Variants in ATL2 observed in about 807,000 individuals in gnomAD.
ATL2 encodes atlastin GTPase 2.
A neutral mutation model predicts 73.9 loss-of-function variants in ATL2; 31 were observed. That is an observed-to-expected ratio of 0.42 (90% confidence interval 0.32 to 0.57). The LOEUF is 0.57. Among genes scored for constraint, ATL2 ranks in the 20% least tolerant of loss-of-function variants. The pLI, the probability that ATL2 is intolerant of heterozygous loss-of-function variation, is 0.14. For synonymous variants in ATL2, 291 were observed against 237.5 expected (o/e 1.23, Z -2.07); for missense variants, 738 against 702.6 (o/e 1.05, Z -0.57).
chr2:38,295,700 A>G lies in ATL2; in HGVS notation c.*294T>C, dbSNP rs949779706. The G allele has an allele frequency of 3.5e-5, 7 of 197,296 alleles. No individual in the cohort carries two copies. The South Asian group carries it at 1.1e-3, about 31-fold the overall frequency. 12.2% of individuals were successfully genotyped at this position (197,296 alleles called of 1,614,324 possible). On this transcript the variant is annotated 3_prime_UTR_variant, in exon 13 of 13. Coordinates refer to ENST00000378954, the MANE Select transcript of ATL2 (RefSeq NM_001135673.4). ...ATATTTCCCTGAAATATCCTTTTACATAAGACAAATTCACTAACATTAGAT... is the reference window on the plus strand; with the variant it reads ...ATATTTCCCTGAAATATCCTTTTACGTAAGACAAATTCACTAACATTAGAT...
At position 38,300,331 on chromosome 2, in the gene ATL2, A is replaced by G. The variant is rs761108530; in HGVS notation, c.1072-3T>C. ...CCTTGATAGATTTTGATGTAAGCCT[A>G]AAAAGGGAGAAGATTTGTTAGACTG... On this transcript the variant is annotated splice_polypyrimidine_tract_variant and splice_region_variant and intron_variant, in intron 9 of 12. Transcript: ENST00000378954. 1.1e-5 allele frequency: 17 copies of G among 1,603,730 alleles called. No individual in the cohort carries two copies. The African/African-American group carries it at 2.3e-4, about 21-fold the overall frequency.
chr2:38,367,902 G>C (rs1461378930), intron 1 of ATL2, among the ~76,000 whole-genome samples: 1 of 150,378 alleles, frequency 6.6e-6, no homozygotes. Flanking sequence ...TAAAGTGCTG[G>C]GATTACAAAC....
chr2:38,318,473 G>GA (rs11312375), intron 4 of ATL2, 62 bp downstream of exon 4: 30,200 of 1,056,014 alleles, frequency 0.029, no homozygotes, highest in South Asian at 0.041. Flanking sequence ...TCTCAAAAAA[G>GA]AAAAAAAAAA....
At position 38,294,096 on chromosome 2, in the gene ATL2, C is replaced by CT. The variant is rs1391585114; in HGVS notation, c.*1897dup. On this transcript the variant is annotated 3_prime_UTR_variant, in exon 13 of 13. Coordinates refer to ENST00000378954, the MANE Select transcript of ATL2 (RefSeq NM_001135673.4). ...TAAAAAGACACTTTTCAGGTGGATT[C>CT]TTTAAGAACAGATAAGTTAGCAATT... is the stretch of plus-strand genomic sequence containing the variant. Among the ~76,000 whole-genome samples the CT allele has an allele frequency of 6.6e-6, 1 of 152,182 alleles. No individual in the cohort carries two copies. Among genetic ancestry groups the CT allele is most frequent in the East Asian group, 1.9e-4 (1 of 5,204 alleles).
chr2:38,330,431 A>G (rs1268722100), intron 2 of ATL2, among the ~76,000 whole-genome samples: 1 of 152,154 alleles, frequency 6.6e-6, no homozygotes, highest in African/African-American at 2.4e-5. Context: ...CACAGAAATA[A>G]AAGGTTCCCA....
At chr2:38,337,447 C>T (rs1669427674) in intron 2 of ATL2, among the ~76,000 whole-genome samples, 1 of 116,624 alleles carries the variant, frequency 8.6e-6, no homozygotes, top group African/African-American at 3.3e-5. Context: ...GATCACATCA[C>T]TGCACTCCAA....
At chr2:38,367,433 CT>C in intron 1 of ATL2, among the ~76,000 whole-genome samples, 1 of 150,890 alleles carries the variant, frequency 6.6e-6, no homozygotes, top group Non-Finnish European at 1.5e-5. Flanking sequence ...GAAACCCCGT[CT>C]CTATTAAAAA....
intron 1 of ATL2, among the ~76,000 whole-genome samples, chr2:38,369,703 C>G (rs932740142): frequency 2.0e-5 from 3 of 151,730 alleles, no homozygotes; most frequent in Non-Finnish European, 4.4e-5. Flanking sequence ...ATATTTGAGA[C>G]CCTATCTCAA....
chr2:38,349,509 T>A (rs537700565), intron 1 of ATL2, among the ~76,000 whole-genome samples: 126 of 106,370 alleles, frequency 1.2e-3, no homozygotes, highest in Admixed American at 2.6e-3. Flanking sequence ...AACATCACAC[T>A]CTGGGGACTG....
chr2:38,336,547 T>C (rs867052082), intron 2 of ATL2, among the ~76,000 whole-genome samples: 5 of 152,316 alleles, frequency 3.3e-5, no homozygotes, highest in Middle Eastern at 3.4e-3. Context: ...CCAAAGTAAA[T>C]ATTTATAAAA....
At chr2:38,300,817 GAAGA>G (rs957281150) in intron 9 of ATL2, among the ~76,000 whole-genome samples, 1 of 144,854 alleles carries the variant, frequency 6.9e-6, no homozygotes, top group Non-Finnish European at 1.5e-5. Context: ...ACATCCAGCT[GAAGA>G]AACAATTTTA....
chr2:38,376,246 C>A, intron 1 of ATL2: 1 of 1,443,530 alleles, frequency 6.9e-7, no homozygotes. Context: ...CGCTAAACTC[C>A]TATAAATAGG....
chr2:38,376,044 TAA>T (rs1202884390), intron 1 of ATL2: 4 of 1,376,778 alleles, frequency 2.9e-6, no homozygotes, highest in Non-Finnish European at 3.8e-6. Context: ...TTACACACCG[TAA>T]AAAAAGAAAT....
rs766677138 is a variant in ATL2 at position 38,294,222 on chromosome 2, T to C, written c.*1772A>G. 6.6e-6 allele frequency among the ~76,000 whole-genome samples: 1 copy of C among 152,192 alleles called. No individual in the cohort carries two copies. The highest frequency in any genetic ancestry group is 2.4e-5 in the African/African-American group (1 of 41,458). ...AAAGTAAATTCAGAGTTTTCACACA[T>C]GCAACTCAACACCTGCATTCTCTTC... On this transcript the variant is annotated 3_prime_UTR_variant, in exon 13 of 13. Coordinates refer to ENST00000378954, the MANE Select transcript of ATL2 (RefSeq NM_001135673.4).
At chr2:38,357,937 G>T (rs1194576729) in intron 1 of ATL2, among the ~76,000 whole-genome samples, 1 of 152,116 alleles carries the variant, frequency 6.6e-6, no homozygotes, top group Non-Finnish European at 1.5e-5. Flanking sequence ...CACTGTTTGG[G>T]GGGAAATCAA....
intron 1 of ATL2, chr2:38,354,222 C>G (rs767616659): frequency 2.4e-6 from 1 of 410,410 alleles, no homozygotes; most frequent in Non-Finnish European, 4.8e-6. Context: ...AGCAGATGTG[C>G]ATTACATGAG....
intron 1 of ATL2, among the ~76,000 whole-genome samples, chr2:38,346,364 G>T (rs187105505): frequency 5.1e-4 from 77 of 152,234 alleles, no homozygotes; most frequent in Non-Finnish European, 9.4e-4. Context: ...AAGTTGACCA[G>T]GTTACCCTCC....
chr2:38,323,143 C>A (rs1258295867), intron 2 of ATL2, among the ~76,000 whole-genome samples: 1 of 151,994 alleles, frequency 6.6e-6, no homozygotes, highest in Non-Finnish European at 1.5e-5. Context: ...GATAACAGAC[C>A]CTATTTGCTG....
intron 10 of ATL2, 21 bp downstream of exon 10, chr2:38,300,251 T>A: frequency 6.4e-7 from 1 of 1,562,096 alleles, no homozygotes. Flanking sequence ...GTACAACACA[T>A]ATCACTCTCT....
Sources: gnomAD v4.1 joint callset for allele counts (sites outside exome capture counted in the v4.1 genomes callset) on GRCh38, gnomAD v4.1.1 for gene constraint, MANE v1.5 for transcripts, NCBI Gene and HGNC (gene_info 2026-07-23, HGNC 2026-07-21) for gene names.